The following PHF24 variants were observed in gnomAD, a reference collection of about 807,000 sequenced individuals.
PHF24 encodes Galpha inhibitory interacting protein.
A neutral mutation model predicts 42.6 loss-of-function variants in PHF24; 25 were observed. That is an observed-to-expected ratio of 0.59 (90% CI 0.43 to 0.82). The LOEUF is 0.82. PHF24 is among the 40% of genes least tolerant of loss of function. PHF24 has a pLI of 0.00. For synonymous variants in PHF24, 185 were observed against 204.8 expected (o/e 0.90, Z 0.83); for missense variants, 470 against 538.1 (o/e 0.87, Z 1.25).
chr9:34,704,478 AGT>A, the PHF24 span, among the ~76,000 whole-genome samples: 43 of 150,586 alleles, frequency 2.9e-4, 1 homozygote, highest in South Asian at 2.1e-4. Context: ...TGATTTCATT[AGT>A]GTGTGTGTGT....
the PHF24 span, among the ~76,000 whole-genome samples, chr9:34,811,723 A>G: frequency 6.6e-6 from 1 of 152,252 alleles, no homozygotes; most frequent in Non-Finnish European, 1.5e-5. Flanking sequence ...GAAAATATTT[A>G]TCGCCTTGGA....
chr9:34,892,123 G>A, the PHF24 span, among the ~76,000 whole-genome samples: 2 of 152,232 alleles, frequency 1.3e-5, no homozygotes, highest in Non-Finnish European at 2.9e-5. Context: ...GGTAGCTACA[G>A]ATGTGGCACA....
At chr9:34,900,240 A>C in the PHF24 span, among the ~76,000 whole-genome samples, 2 of 152,330 alleles carry the variant, frequency 1.3e-5, no homozygotes, top group Admixed American at 1.3e-4. Flanking sequence ...AAGAGAGACC[A>C]ATGACCAATA....
the PHF24 span, among the ~76,000 whole-genome samples, chr9:34,759,779 A>C: frequency 4.6e-5 from 7 of 152,086 alleles, no homozygotes; most frequent in East Asian, 1.4e-3. Flanking sequence ...CCTCCCACCA[A>C]ATCATTAAAA....
chr9:34,735,343 G>A, the PHF24 span, among the ~76,000 whole-genome samples: 1 of 150,226 alleles, frequency 6.7e-6, no homozygotes, highest in Non-Finnish European at 1.5e-5. Flanking sequence ...CACCATATTG[G>A]CCAGGCAGGT....
the PHF24 span, chr9:34,728,737 T>C: frequency 7.8e-7 from 1 of 1,277,936 alleles, no homozygotes. Context: ...CTTACATACA[T>C]TTTTCACTCG....
chr9:34,934,529 G>GC, the PHF24 span, among the ~76,000 whole-genome samples: 6 of 106,902 alleles, frequency 5.6e-5, no homozygotes, highest in Admixed American at 1.1e-4. Context: ...TGTACCCCCA[G>GC]CCCCCCCTTC....
the PHF24 span, among the ~76,000 whole-genome samples, chr9:34,886,255 TA>T: frequency 3.0e-3 from 417 of 137,410 alleles, 1 homozygote; most frequent in African/African-American, 9.9e-3. Context: ...TCTCCTGTCT[TA>T]AAAAAAAAAA....
the PHF24 span, among the ~76,000 whole-genome samples, chr9:34,754,245 A>G: frequency 6.6e-6 from 1 of 152,194 alleles, no homozygotes; most frequent in African/African-American, 2.4e-5. Flanking sequence ...ATGTTTACAA[A>G]CGATCTCTCT....
chr9:34,724,757 A>G, the PHF24 span: 4 of 1,551,710 alleles, frequency 2.6e-6, no homozygotes, highest in African/African-American at 1.4e-5. Context: ...AAATGAAACC[A>G]TCTGAATCAG....
At chr9:34,714,314 C>G in the PHF24 span, among the ~76,000 whole-genome samples, 2 of 144,316 alleles carry the variant, frequency 1.4e-5, no homozygotes, top group Non-Finnish European at 3.1e-5. Flanking sequence ...GGTTTCCCCA[C>G]CTGCCTAATG....
the PHF24 span, among the ~76,000 whole-genome samples, chr9:34,752,992 T>TA: frequency 1.3e-5 from 2 of 152,208 alleles, no homozygotes; most frequent in African/African-American, 4.8e-5. Context: ...CCCTTCATGA[T>TA]AAAAACCCTC....
chr9:34,851,965 T>G, the PHF24 span, among the ~76,000 whole-genome samples: 1 of 152,234 alleles, frequency 6.6e-6, no homozygotes, highest in Admixed American at 6.5e-5. Context: ...CCTTATACAG[T>G]TGATGCTTGA....
chr9:34,755,103 T>C, the PHF24 span, among the ~76,000 whole-genome samples: 4 of 151,786 alleles, frequency 2.6e-5, no homozygotes, highest in Non-Finnish European at 4.4e-5. Context: ...GGTTAATAGG[T>C]AAAAAAATAG....
At chr9:34,919,273 A>G in the PHF24 span, among the ~76,000 whole-genome samples, 1 of 152,186 alleles carries the variant, frequency 6.6e-6, no homozygotes, top group East Asian at 1.9e-4. Context: ...AATGTCTATC[A>G]CCTAAAACAT....
the PHF24 span, among the ~76,000 whole-genome samples, chr9:34,926,516 G>T: frequency 1.3e-5 from 2 of 152,082 alleles, no homozygotes; most frequent in Admixed American, 1.3e-4. This position sits in a 1 kb window ranked among gnomAD's most constrained non-coding sequence, Gnocchi z 4.3. Flanking sequence ...CTGGCCTGGG[G>T]GTGTTTCTGC....
chr9:34,702,368 C>G, the PHF24 span, among the ~76,000 whole-genome samples: 1 of 152,170 alleles, frequency 6.6e-6, no homozygotes, highest in Non-Finnish European at 1.5e-5. Flanking sequence ...AGGGGATACT[C>G]CGAGCAGAAG....
the PHF24 span, among the ~76,000 whole-genome samples, chr9:34,909,645 G>C: frequency 6.7e-6 from 1 of 148,860 alleles, no homozygotes; most frequent in African/African-American, 2.5e-5. Context: ...TTTTTGAGAC[G>C]GAGTCTCGCT....
chr9:34,976,530 C>T lies in PHF24; in HGVS notation c.644-5C>T. ...GGCATGGCTAGCACGGGGTGCCTCCCACAGATTGCTCCCTGACACTGGAGG... is the reference window on the plus strand; with the variant it reads ...GGCATGGCTAGCACGGGGTGCCTCCTACAGATTGCTCCCTGACACTGGAGG... On this transcript the variant is annotated splice_polypyrimidine_tract_variant and splice_region_variant and intron_variant, in intron 4 of 7. Coordinates refer to ENST00000242315, the Ensembl canonical transcript of PHF24. 1 of 1,609,210 alleles carries T rather than the reference C, an allele frequency of 6.2e-7. No individual in the cohort carries two copies.
Sources: gnomAD v4.1 joint callset for allele counts (sites outside exome capture counted in the v4.1 genomes callset) on GRCh38, gnomAD v4.1.1 for gene constraint, Gnocchi (gnomAD v3.1) non-coding constraint, MANE v1.5 for transcripts, NCBI Gene and HGNC (gene_info 2026-07-23, HGNC 2026-07-21) for gene names.